Variants in LZIC observed in about 807,000 individuals in gnomAD.
The protein encoded by LZIC is protein LZIC.
A neutral mutation model predicts 25.4 loss-of-function variants in LZIC; 28 were observed. The observed-to-expected ratio is 1.10, with a 90% CI of 0.82 to 1.51. LZIC has a LOEUF of 1.51. LZIC is among the 40% of genes most tolerant of loss of function. The pLI, the probability that LZIC is intolerant of heterozygous loss-of-function variation, is 0.00. For missense variants in LZIC, 170 were observed against 211.1 expected (o/e 0.81, Z 1.21); for synonymous variants, 65 against 70.7 (o/e 0.92, Z 0.40).
At chr1:9,930,984 GC>G (rs1361894702) in intron 7 of LZIC, among the ~76,000 whole-genome samples, 1 of 151,904 alleles carries the variant, frequency 6.6e-6, no homozygotes, top group Non-Finnish European at 1.5e-5. Flanking sequence ...CTCCCAAAGT[GC>G]TGGGATTACA....
At chr1:9,924,178 G>T (rs1639926035), downstream of LZIC, among the ~76,000 whole-genome samples, 1 of 152,216 alleles carries the variant, frequency 6.6e-6, no homozygotes, top group Non-Finnish European at 1.5e-5. Flanking sequence ...GAGCCACTGT[G>T]CCCAGCCAAT....
chr1:9,922,427 G>A (rs71643077), downstream of LZIC: 20 of 593,742 alleles, frequency 3.4e-5, no homozygotes, highest in East Asian at 2.8e-3. Context: ...GAATTCAAAG[G>A]CTTTGGCAAT....
At chr1:9,937,699 T>C (rs1467115653) in intron 2 of LZIC, among the ~76,000 whole-genome samples, 2 of 151,464 alleles carry the variant, frequency 1.3e-5, no homozygotes, top group Non-Finnish European at 2.9e-5. Context: ...ATAGACAATC[T>C]TAGCTAGGCA....
At chr1:9,934,695 T>C in intron 5 of LZIC, 67 bp downstream of exon 5, 1 of 1,348,800 alleles carries the variant, frequency 7.4e-7, no homozygotes, top group South Asian at 1.2e-5. Context: ...AGCCATAGGA[T>C]ATCATAATGA....
chr1:9,939,971 T>C (rs961498836), intron 2 of LZIC, among the ~76,000 whole-genome samples: 3 of 151,900 alleles, frequency 2.0e-5, no homozygotes, highest in African/African-American at 7.2e-5. Context: ...ATTAAAATAT[T>C]AGCTGGGCAT....
In LZIC at chr1:9,926,388, A is replaced by G. The variant is rs1392424348; in HGVS notation, c.*4011T>C. Among the ~76,000 whole-genome samples the G allele has an allele frequency of 4.6e-5, 7 of 152,206 alleles. No individual in the cohort carries two copies. The highest frequency in any genetic ancestry group is 2.6e-4 in the Admixed American group (4 of 15,276). On this transcript the variant is annotated 3_prime_UTR_variant, in exon 8 of 8. Coordinates refer to ENST00000377223, the MANE Select transcript of LZIC (RefSeq NM_032368.5). Reference sequence around the variant, plus strand: ...ATTCACTGTAATAAGATACCATTTCAGTGGTGGAGTTGCATAGTCTTTTAT... The same window carrying G: ...ATTCACTGTAATAAGATACCATTTCGGTGGTGGAGTTGCATAGTCTTTTAT...
In LZIC at chr1:9,935,507, T is replaced by G; in HGVS notation, c.222A>C (p.Leu74=). 1 of 1,606,540 alleles carries G rather than the reference T, an allele frequency of 6.2e-7. No homozygotes were observed. The highest frequency in any genetic ancestry group is 8.5e-7 in the Non-Finnish European group (1 of 1,178,220). The change falls in exon 4 of 8, where the codon CTA becomes CTC. Residue 74 remains leucine, a synonymous_variant. Coordinates refer to ENST00000377223, the MANE Select transcript of LZIC (RefSeq NM_032368.5). Reference sequence around the variant, plus strand: ...TTATACTTACCAGCTGCATTCCACTTAGTTCATCTACCAAAGTCATATTTC... The same window carrying G: ...TTATACTTACCAGCTGCATTCCACTGAGTTCATCTACCAAAGTCATATTTC... The part of the protein sequence containing the change: ...MSGNMTLVDE[L]SGMQLAIQAA...
intron 2 of LZIC, among the ~76,000 whole-genome samples, chr1:9,940,891 T>A (rs1640694132): frequency 2.0e-5 from 3 of 152,220 alleles, no homozygotes; most frequent in Admixed American, 2.0e-4. Flanking sequence ...CATTTTAATT[T>A]TTCTCTTAAG....
intron 7 of LZIC, 131 bp from the exon 8 acceptor site, chr1:9,930,588 T>G (rs1481822303): frequency 7.7e-7 from 1 of 1,291,940 alleles, no homozygotes; most frequent in Non-Finnish European, 1.1e-6. Context: ...ATCAGTGTAT[T>G]AACCCCTACA....
intron 2 of LZIC, among the ~76,000 whole-genome samples, chr1:9,939,202 T>C (rs1640585578): frequency 1.3e-5 from 2 of 151,810 alleles, no homozygotes; most frequent in Non-Finnish European, 2.9e-5. Context: ...CTCAGCCTCT[T>C]GAGTGCGTGC....
Position 9,942,764 on chromosome 1 carries a change from C to A in LZIC, c.-149G>T, listed in dbSNP as rs1570661886. On this transcript the variant is annotated 5_prime_UTR_variant, in exon 2 of 8. Transcript: ENST00000377223. ...GACTACAAAAGGCTCAAAGTTCAAA[C>A]CACCTCGGGGTGGAGATGCTGGAAA... is the stretch of plus-strand genomic sequence containing the variant. 2 of 1,120,274 alleles carry A rather than the reference C, an allele frequency of 1.8e-6. No individual in the cohort carries two copies. The highest frequency in any genetic ancestry group is 1.2e-6 in the Non-Finnish European group (1 of 834,300). The allele number at this position is 1,120,274 out of a possible 1,614,324, so 69.4% of individuals were successfully genotyped here. A position where few individuals can be genotyped will look rare whatever the true frequency, so the allele number is the denominator to read the frequency against.
chr1:9,936,656 T>C (rs1337339313), intron 2 of LZIC, 29 bp from the exon 3 acceptor site: 8 of 1,418,098 alleles, frequency 5.6e-6, no homozygotes, highest in Non-Finnish European at 7.9e-6. Flanking sequence ...CCACATACCA[T>C]ATGAAATTAA....
chr1:9,931,746 A>G (rs1300638647), intron 7 of LZIC, 145 bp downstream of exon 7: 2 of 530,316 alleles, frequency 3.8e-6, no homozygotes, highest in African/African-American at 3.9e-5. Context: ...AACCAATACA[A>G]TGGATTTATA....
downstream of LZIC, among the ~76,000 whole-genome samples, chr1:9,924,945 G>C (rs535047321): frequency 3.8e-4 from 58 of 152,148 alleles, no homozygotes; most frequent in Middle Eastern, 3.4e-3. Flanking sequence ...GGTTTTGCAG[G>C]GGGGGCTTCA....
Position 9,929,212 on chromosome 1 carries a change from G to T in LZIC, c.*1187C>A, listed in dbSNP as rs1640113151. 1 of 591,288 alleles carries T rather than the reference G, an allele frequency of 1.7e-6. No homozygotes were observed. The highest frequency in any genetic ancestry group is 2.1e-6 in the Non-Finnish European group (1 of 469,996). 36.6% of individuals were successfully genotyped at this position (591,288 alleles called of 1,614,324 possible). On this transcript the variant is annotated 3_prime_UTR_variant, in exon 8 of 8. Coordinates refer to ENST00000377223, the MANE Select transcript of LZIC (RefSeq NM_032368.5). ...TCACCTCTTTTAAGTTCCAAATAAG[G>T]CATCAGTGTAGCGGAGGTCCTCTAA...
intron 4 of LZIC, 132 bp downstream of exon 4, chr1:9,935,360 G>A (rs551671655): frequency 1.6e-5 from 13 of 824,016 alleles, no homozygotes; most frequent in East Asian, 5.4e-5. Flanking sequence ...CCTGGGAGGC[G>A]GAGGTTGCAG....
At chr1:9,932,098 G>T in intron 6 of LZIC, 126 bp from the exon 7 acceptor site, 1 of 263,388 alleles carries the variant, frequency 3.8e-6, no homozygotes, top group South Asian at 3.5e-5. Context: ...ACTTTGGGAG[G>T]CGTGGGGGGG....
intron 6 of LZIC, 79 bp from the exon 7 acceptor site, chr1:9,932,051 G>A: frequency 2.1e-6 from 2 of 933,624 alleles, no homozygotes; most frequent in Non-Finnish European, 1.6e-6. Flanking sequence ...AATGTCTTAG[G>A]AGGCTGGGCA....
At position 9,929,837 on chromosome 1, in the gene LZIC, G is replaced by C; in HGVS notation, c.*562C>G. On this transcript the variant is annotated 3_prime_UTR_variant, in exon 8 of 8. Transcript: ENST00000377223. ...ATAAAATTCAAAAGATACTAAACTG[G>C]GAGTCAGGACACCTGAGTCTTACCC... 1.0e-6 allele frequency: 1 copy of C among 983,036 alleles called. No homozygotes were observed. Among genetic ancestry groups the C allele is most frequent in the Non-Finnish European group, 1.2e-6 (1 of 827,864 alleles). 60.9% of individuals were successfully genotyped at this position (983,036 alleles called of 1,614,324 possible). A position where few individuals can be genotyped will look rare whatever the true frequency, so the allele number is the denominator to read the frequency against.
Sources: allele counts gnomAD v4.1 joint callset (sites outside exome capture counted in the v4.1 genomes callset), GRCh38; gene constraint gnomAD v4.1.1; transcripts MANE v1.5; gene names NCBI Gene and HGNC (gene_info 2026-07-23, HGNC 2026-07-21).